Variants in SPATA4 observed in about 807,000 individuals in gnomAD.
The protein encoded by SPATA4 is spermatogenesis-associated protein 4.
SPATA4 carries 35 observed loss-of-function variants against 31.8 expected under a neutral mutation model. That is an observed-to-expected ratio of 1.10 (90% confidence interval 0.84 to 1.46). The LOEUF (loss-of-function observed/expected upper bound fraction) is 1.46. Among genes scored for constraint, SPATA4 ranks in the 40% most tolerant of loss-of-function variants. SPATA4 has a pLI of 0.00. For missense variants in SPATA4, 394 were observed against 363.1 expected (o/e 1.09, Z -0.69); for synonymous variants, 126 against 132.4 (o/e 0.95, Z 0.33).
rs748727951 is a variant in SPATA4, at chr4:176,188,166, C to T, written c.758G>A (p.Arg253His). ...LNHLPAQASG[R>H]RYNLKVKRGR... ...TCTTTTAACTTTTAAATTATATCTG[C>T]GCCCAGAGGCTTGGGCAGGAAGGTG... Residue 253 changes from arginine to histidine, a missense_variant, in exon 5 of 6, where the codon CGC becomes CAC. Coordinates refer to ENST00000280191, the MANE Select transcript of SPATA4 (RefSeq NM_144644.4). 109 of 1,613,380 alleles carry T rather than the reference C, an allele frequency of 6.8e-5. No homozygotes were observed. The highest frequency in any genetic ancestry group is 2.5e-4 in the African/African-American group (19 of 74,892).
intron 2 of SPATA4, 63 bp from the exon 3 acceptor site, chr4:176,193,139 T>A: frequency 9.4e-7 from 1 of 1,068,014 alleles, no homozygotes; most frequent in Non-Finnish European, 1.4e-6. Flanking sequence ...CCAAGTACTA[T>A]GAATTCACTT....
rs775685564 is a variant in SPATA4, at chr4:176,192,807, A to C, written c.508T>G (p.Tyr170Asp). The change falls in exon 4 of 6, where the codon TAT becomes GAT. Residue 170 changes from tyrosine to aspartate, a missense_variant. Transcript: ENST00000280191. ...IQDDFVNFTD[Y>D]SYQMRLPLVS... The stretch of plus-strand genomic sequence containing the variant: ...AGGGGTAAACGCATCTGGTAGCTAT[A>C]GTCCGTGAAATTCACAAAGTCATCC... 7.4e-6 allele frequency: 12 copies of C among 1,614,138 alleles called. 1 individual carries two copies. In the South Asian group the frequency reaches 1.3e-4, roughly 18 times the overall value.
rs1265825958 is a variant in SPATA4, at chr4:176,188,167, G to GC, written c.756dup (p.Arg253AlafsTer4). On this transcript the variant is annotated frameshift_variant, in exon 5 of 6. Transcript: ENST00000280191. LOFTEE classifies it low-confidence loss of function (END_TRUNC). ...CTTTTAACTTTTAAATTATATCTGC[G>GC]CCCAGAGGCTTGGGCAGGAAGGTGA... The GC allele has an allele frequency of 1.1e-5, 18 of 1,613,372 alleles. No homozygotes were observed. The highest frequency in any genetic ancestry group is 1.4e-5 in the Non-Finnish European group (16 of 1,179,788).
chr4:176,193,024 A>G lies in SPATA4; in HGVS notation c.401T>C (p.Ile134Thr). Residue 134 changes from isoleucine to threonine, a missense_variant, in exon 3 of 6, where the codon ATT becomes ACT. Transcript: ENST00000280191. ...TTCAGGCACTCCAGCTTTACAATGAATTGTTCCATGGATTAGTTCTTTAGG... is the reference window on the plus strand; with the variant it reads ...TTCAGGCACTCCAGCTTTACAATGAGTTGTTCCATGGATTAGTTCTTTAGG... ...KLPKELIHGT[I>T]HCKAGVPEIL... 1 of 1,611,116 alleles carries G rather than the reference A, an allele frequency of 6.2e-7. No homozygotes were observed. Among genetic ancestry groups the G allele is most frequent in the South Asian group, 1.1e-5 (1 of 89,766 alleles).
In SPATA4 at chr4:176,193,058, A is replaced by T; in HGVS notation, c.367T>A (p.Phe123Ile). ...TGGATTAGTTCTTTAGGTAATTTAA[A>T]TTTTTTTCTTGCCAGGAACTTTAAT... ...QLEKFLARKK[F>I]KLPKELIHGT... The change falls in exon 3 of 6, where the codon TTT (phenylalanine) becomes ATT (isoleucine). Residue 123 changes from phenylalanine to isoleucine, a missense_variant. By Grantham distance (21) the Phe-to-Ile change is conservative. Coordinates refer to ENST00000280191, the MANE Select transcript of SPATA4 (RefSeq NM_144644.4). The T allele has an allele frequency of 6.3e-7, 1 of 1,590,218 alleles. No homozygotes were observed. Among genetic ancestry groups the T allele is most frequent in the Non-Finnish European group, 8.5e-7 (1 of 1,172,950 alleles).
In SPATA4 at chr4:176,195,347, G is replaced by A. The variant is rs1752599437; in HGVS notation, c.216C>T (p.Asn72=). 8 of 1,614,092 alleles carry A rather than the reference G, an allele frequency of 5.0e-6. No homozygotes were observed. The highest frequency in any genetic ancestry group is 6.8e-6 in the Non-Finnish European group (8 of 1,179,998). The change falls in exon 1 of 6, where the codon AAC becomes AAT. Residue 72 remains asparagine, a splice_region_variant and synonymous_variant. Coordinates refer to ENST00000280191, the MANE Select transcript of SPATA4 (RefSeq NM_144644.4). ...LDLSFFPRNI[N]RDFSNGFLIA... is the part of the protein sequence containing the mutation. ...CTAGGACTGGCTTACTCAAGCACCT[G>A]TTGATGTTCCTGGGGAAGAAGCTGA...
intron 1 of SPATA4, among the ~76,000 whole-genome samples, chr4:176,195,077 C>A (rs545024915): frequency 1.4e-4 from 21 of 152,246 alleles, no homozygotes; most frequent in African/African-American, 4.8e-4. Context: ...AAAGAAAAAG[C>A]TTTGACTATT....
intron 5 of SPATA4, 39 bp from the exon 6 acceptor site, chr4:176,184,931 G>T: frequency 8.0e-7 from 1 of 1,254,368 alleles, no homozygotes; most frequent in Non-Finnish European, 1.1e-6. Context: ...ATCAATTCAT[G>T]GTTACTAAAT....
Position 176,195,403 on chromosome 4 carries a change from A to T in SPATA4, c.160T>A (p.Ser54Thr), listed in dbSNP as rs1235407213. ...AGACCCTGAAGCCAACGCAGAACGGAACGAGACAAGCGGGAGCTCTTCGGC... is the reference window on the plus strand; with the variant it reads ...AGACCCTGAAGCCAACGCAGAACGGTACGAGACAAGCGGGAGCTCTTCGGC... The part of the protein sequence containing the change: ...HAPKSSRLSR[S>T]VLRWLQGLDL... The change falls in exon 1 of 6, where the codon TCC becomes ACC. Residue 54 changes from serine (S) to threonine (T), a missense_variant. Coordinates refer to ENST00000280191, the MANE Select transcript of SPATA4 (RefSeq NM_144644.4). 1 of 1,614,254 alleles carries T rather than the reference A, an allele frequency of 6.2e-7. No individual in the cohort carries two copies. The highest frequency in any genetic ancestry group is 8.5e-7 in the Non-Finnish European group (1 of 1,180,052).
chr4:176,190,050 G>C (rs2126923012), intron 4 of SPATA4, among the ~76,000 whole-genome samples: 1 of 152,270 alleles, frequency 6.6e-6, no homozygotes, highest in African/African-American at 2.4e-5. Flanking sequence ...GAATGGAACA[G>C]AACAGGACAG....
At position 176,193,047 on chromosome 4, in the gene SPATA4, A is replaced by G. The variant is rs140439880; in HGVS notation, c.378T>C (p.Pro126=). ...GAATTGTTCCATGGATTAGTTCTTT[A>G]GGTAATTTAAATTTTTTTCTTGCCA... is the stretch of plus-strand genomic sequence containing the variant. The part of the protein sequence containing the change: ...KFLARKKFKL[P]KELIHGTIHC... The change falls in exon 3 of 6, where the codon CCT becomes CCC. Residue 126 remains proline (P), a synonymous_variant. Coordinates refer to ENST00000280191, the MANE Select transcript of SPATA4 (RefSeq NM_144644.4). The G allele has an allele frequency of 8.8e-4, 1,398 of 1,597,006 alleles. 4 individuals carry two copies. The highest frequency in any genetic ancestry group is 1.0e-3 in the Non-Finnish European group (1,210 of 1,175,370).
intron 5 of SPATA4, 28 bp from the exon 6 acceptor site, chr4:176,184,920 A>G: frequency 1.5e-6 from 2 of 1,365,910 alleles, no homozygotes; most frequent in Non-Finnish European, 2.1e-6. Context: ...GCAAAATTAA[A>G]ATCAATTCAT....
chr4:176,191,096 ATTTTT>A (rs70962456), intron 4 of SPATA4, among the ~76,000 whole-genome samples: 1 of 123,198 alleles, frequency 8.1e-6, no homozygotes, highest in Non-Finnish European at 1.7e-5. Context: ...GTATGTATAG[ATTTTT>A]TTTTTTTTTT....
At chr4:176,192,277 T>G (rs1429883438) in intron 4 of SPATA4, among the ~76,000 whole-genome samples, 1 of 152,200 alleles carries the variant, frequency 6.6e-6, no homozygotes, top group East Asian at 1.9e-4. Flanking sequence ...ATCATAGTAA[T>G]CCAGGCTTTT....
At position 176,195,450 on chromosome 4, in the gene SPATA4, TTCTTA is replaced by T. The variant is rs1313764792; in HGVS notation, c.108_112del (p.Lys37ValfsTer56). 1 of 1,614,230 alleles carries T rather than the reference TTCTTA, an allele frequency of 6.2e-7. No homozygotes were observed. Among genetic ancestry groups the T allele is most frequent in the East Asian group, 2.2e-5 (1 of 44,884 alleles). On this transcript the variant is annotated frameshift_variant, in exon 1 of 6. Transcript: ENST00000280191. LOFTEE classifies it high-confidence loss of function. ...CGGCGCATGCGGATAGACCAGACAC[TTCTTA>T]GGCCTCCCTCGGATGGGAGCTGCTA... is the stretch of plus-strand genomic sequence containing the variant.
At chr4:176,188,256 A>G in intron 4 of SPATA4, 21 bp from the exon 5 acceptor site, 4 of 1,507,984 alleles carry the variant, frequency 2.7e-6, no homozygotes, top group Non-Finnish European at 3.6e-6. Context: ...TGAACACAAA[A>G]GTTATTTCTT....
At chr4:176,191,030 AAAT>A (rs1298033309) in intron 4 of SPATA4, among the ~76,000 whole-genome samples, 2 of 151,852 alleles carry the variant, frequency 1.3e-5, no homozygotes, top group Admixed American at 1.3e-4. Context: ...ATGAAGTAAA[AAAT>A]AATATTTAAA....
intron 3 of SPATA4, 21 bp downstream of exon 3, chr4:176,192,937 A>G (rs777046740): frequency 6.3e-7 from 1 of 1,583,936 alleles, no homozygotes; most frequent in Non-Finnish European, 8.6e-7. Context: ...TTGTGTTACT[A>G]GGAAATTACA....
At chr4:176,192,551 G>A (rs749534575) in intron 4 of SPATA4, 76 bp downstream of exon 4, 76 of 1,271,186 alleles carry the variant, frequency 6.0e-5, no homozygotes, top group Admixed American at 1.9e-4. Flanking sequence ...GGCCAGTGCC[G>A]ACATTTCTTT....
Sources: gnomAD v4.1 joint callset for allele counts (sites outside exome capture counted in the v4.1 genomes callset) on GRCh38, gnomAD v4.1.1 for gene constraint, MANE v1.5 for transcripts, NCBI Gene and HGNC (gene_info 2026-07-23, HGNC 2026-07-21) for gene names.